The following TNR variants were observed in gnomAD, a reference collection of about 807,000 sequenced individuals.
TNR encodes tenascin-R.
Under a neutral mutation model 150.4 loss-of-function variants are expected in TNR, and 45 were observed. The ratio of observed to expected loss-of-function variants is 0.30; its 90% CI spans 0.24 to 0.38. The LOEUF (loss-of-function observed/expected upper bound fraction) is 0.38, where lower values mean the gene tolerates loss of function less well. Among genes scored for constraint, TNR ranks in the 10% least tolerant of loss-of-function variants. The pLI is 1.00. For missense variants in TNR, 1,544 were observed against 1,759.1 expected (o/e 0.88, Z 2.19); for synonymous variants, 687 against 678.4 (o/e 1.01, Z -0.20).
At chr1:175,523,282 A>C (rs1222270086) in intron 2 of TNR, among the ~76,000 whole-genome samples, 1 of 152,252 alleles carries the variant, frequency 6.6e-6, no homozygotes, top group African/African-American at 2.4e-5. Context: ...TAACAAAAAT[A>C]ATGTGAAAAA....
chr1:175,730,409 T>C (rs919116185), intron 1 of TNR, among the ~76,000 whole-genome samples: 5 of 152,210 alleles, frequency 3.3e-5, no homozygotes, highest in African/African-American at 1.2e-4. Flanking sequence ...TAGGAAGTTA[T>C]CTTTGTGACT....
At chr1:175,579,345 T>A (rs1178607486) in intron 1 of TNR, among the ~76,000 whole-genome samples, 2 of 151,984 alleles carry the variant, frequency 1.3e-5, no homozygotes, top group Non-Finnish European at 2.9e-5. Context: ...GTAGGAATGA[T>A]GAGGAGTCAA....
intron 19 of TNR, 77 bp downstream of exon 19, chr1:175,337,451 G>T: frequency 6.4e-7 from 1 of 1,560,628 alleles, no homozygotes; most frequent in Non-Finnish European, 8.8e-7. Flanking sequence ...TGGTGAAGTT[G>T]GCTTGGCAGG....
intron 15 of TNR, among the ~76,000 whole-genome samples, chr1:175,357,151 TA>T (rs1426655284): frequency 1.3e-5 from 2 of 152,228 alleles, no homozygotes; most frequent in Non-Finnish European, 1.5e-5. Context: ...CATTTATTTC[TA>T]TTGCATTTTG....
rs576841552 is a variant in TNR at position 175,447,392 on chromosome 1, C to A, written c.-63-40615G>T. 2.0e-5 allele frequency among the ~76,000 whole-genome samples: 3 copies of A among 152,286 alleles called. No individual in the cohort carries two copies. In the East Asian group the frequency reaches 5.8e-4, roughly 29 times the overall value. Reference sequence around the variant, plus strand: ...TTCCTGCTCTTTTTTGGAGGGTGGGCAGCGGGAAGGAGGGAAAGGCATGGG... The same window carrying A: ...TTCCTGCTCTTTTTTGGAGGGTGGGAAGCGGGAAGGAGGGAAAGGCATGGG... On this transcript the variant is annotated intron_variant, in intron 2 of 22. Coordinates refer to ENST00000367674, the MANE Select transcript of TNR (RefSeq NM_003285.3).
intron 1 of TNR, among the ~76,000 whole-genome samples, chr1:175,657,855 A>ATGTATATATATATATG (rs1558058610): frequency 1.0e-5 from 1 of 99,778 alleles, no homozygotes; most frequent in Non-Finnish European, 2.0e-5. Flanking sequence ...TGGAACATGT[A>ATGTATATATATATATG]TATATATATA....
chr1:175,453,054 T>G (rs1656397229), intron 2 of TNR, among the ~76,000 whole-genome samples: 1 of 151,858 alleles, frequency 6.6e-6, no homozygotes. Flanking sequence ...TACAACAATG[T>G]GAATATAGTT....
intron 2 of TNR, among the ~76,000 whole-genome samples, chr1:175,477,893 C>T (rs570479562): frequency 3.8e-4 from 58 of 152,264 alleles, no homozygotes; most frequent in African/African-American, 1.2e-3. Flanking sequence ...TGATCATCCT[C>T]GGGGGTATGG....
intron 1 of TNR, among the ~76,000 whole-genome samples, chr1:175,696,357 A>G (rs1016869090): frequency 6.6e-6 from 1 of 151,532 alleles, no homozygotes; most frequent in Non-Finnish European, 1.5e-5. Flanking sequence ...GGATACAATT[A>G]GAGAGGTTTA....
chr1:175,709,424 C>T (rs1007148539), intron 1 of TNR, among the ~76,000 whole-genome samples: 2 of 151,968 alleles, frequency 1.3e-5, no homozygotes, highest in Non-Finnish European at 2.9e-5. Flanking sequence ...AAACATAAGA[C>T]CAAAGTTCAA....
At position 175,356,665 on chromosome 1, in the gene TNR, T is replaced by C. The variant is rs554656338; in HGVS notation, c.2975-203A>G. ...CATAATTGAAAAAAAGTGTTCTTTA[T>C]GTGCAGGTCAAATTGTCTTCTCTAT... On this transcript the variant is annotated intron_variant, in intron 15 of 22. Transcript: ENST00000367674. Among the ~76,000 whole-genome samples the C allele has an allele frequency of 2.6e-5, 4 of 152,310 alleles. No individual in the cohort carries two copies. The East Asian group carries it at 7.7e-4, about 29-fold the overall frequency.
intron 2 of TNR, among the ~76,000 whole-genome samples, chr1:175,440,085 T>C (rs1398073107): frequency 1.1e-4 from 16 of 152,314 alleles, no homozygotes; most frequent in Non-Finnish European, 2.9e-5. Context: ...GGTATGTTTA[T>C]TGCAGCACTA....
intron 14 of TNR, among the ~76,000 whole-genome samples, chr1:175,360,178 G>T (rs1651526959): frequency 6.6e-6 from 1 of 152,198 alleles, no homozygotes; most frequent in East Asian, 1.9e-4. Flanking sequence ...CTCATGGAAA[G>T]ATCTCTGTTG....
intron 9 of TNR, among the ~76,000 whole-genome samples, chr1:175,373,212 C>T (rs375113896): frequency 1.5e-4 from 23 of 152,226 alleles, no homozygotes; most frequent in African/African-American, 5.5e-4. Context: ...ACAAAGGAAA[C>T]AGGGCATGCA....
intron 3 of TNR, among the ~76,000 whole-genome samples, chr1:175,404,996 A>G (rs1653881244): frequency 6.6e-6 from 1 of 152,148 alleles, no homozygotes. Context: ...TGTGTCAGGT[A>G]CCCCTCTACA....
intron 17 of TNR, 89 bp from the exon 18 acceptor site, chr1:175,354,612 G>A (rs953546918): frequency 2.6e-6 from 4 of 1,562,286 alleles, no homozygotes; most frequent in African/African-American, 2.7e-5. Flanking sequence ...AATCCCATGG[G>A]CAGCTAGGTC....
At chr1:175,622,600 C>T (rs1571686382) in intron 1 of TNR, among the ~76,000 whole-genome samples, 1 of 152,212 alleles carries the variant, frequency 6.6e-6, no homozygotes, top group Non-Finnish European at 1.5e-5. Flanking sequence ...CCAGTATGGG[C>T]ATCTCTTCCT....
chr1:175,565,384 C>A (rs1034637960), intron 1 of TNR, among the ~76,000 whole-genome samples: 8 of 152,172 alleles, frequency 5.3e-5, no homozygotes, highest in African/African-American at 1.9e-4. Flanking sequence ...AATAGGTTGA[C>A]CTTTACAAAT....
chr1:175,644,874 T>C (rs1664764757), intron 1 of TNR, among the ~76,000 whole-genome samples: 1 of 152,268 alleles, frequency 6.6e-6, no homozygotes, highest in Non-Finnish European at 1.5e-5. Flanking sequence ...CCCTGTTTAT[T>C]TACAGAGGAG....
Sources: allele counts gnomAD v4.1 joint callset (sites outside exome capture counted in the v4.1 genomes callset), GRCh38; gene constraint gnomAD v4.1.1; transcripts MANE v1.5; gene names NCBI Gene and HGNC (gene_info 2026-07-23, HGNC 2026-07-21).